Variants in NBEA observed in about 807,000 individuals in gnomAD.
NBEA encodes the protein neurobeachin, also known as lysosomal-trafficking regulator 2.
In NBEA, 44 loss-of-function variants were observed where a neutral mutation model predicts 343.4. That is an observed-to-expected ratio of 0.13 (90% CI 0.10 to 0.16). The LOEUF is 0.16. Among genes scored for constraint, NBEA ranks in the 10% least tolerant of loss-of-function variants. The pLI, the probability that NBEA is intolerant of heterozygous loss-of-function variation, is 1.00. For synonymous variants in NBEA, 1,175 were observed against 1,238.7 expected, an observed-to-expected ratio of 0.95 and a Z score of 1.08; for missense variants, 2,555 against 3,631.3, an observed-to-expected ratio of 0.70 and a Z score of 7.62.
intron 49 of NBEA, among the ~76,000 whole-genome samples, chr13:35,628,531 T>A (rs114055784): frequency 6.6e-6 from 1 of 152,224 alleles, no homozygotes; most frequent in Non-Finnish European, 1.5e-5. Context: ...CTTTACGTAT[T>A]TTAGTAATAA....
At chr13:35,205,302 C>A (rs2073314717) in intron 31 of NBEA, among the ~76,000 whole-genome samples, 1 of 152,214 alleles carries the variant, frequency 6.6e-6, no homozygotes, top group Admixed American at 6.5e-5. Context: ...CTCAACTAAA[C>A]CCTTGTAACT....
intron 1 of NBEA, among the ~76,000 whole-genome samples, chr13:34,978,648 G>GT (rs915773843): frequency 1.8e-4 from 27 of 151,426 alleles, no homozygotes; most frequent in Admixed American, 5.3e-4. Flanking sequence ...ATGGTCAGAG[G>GT]TTTTTTTTTC....
At chr13:35,432,102 A>G (rs2045154654) in intron 38 of NBEA, among the ~76,000 whole-genome samples, 167 bp from the exon 39 acceptor site, 1 of 151,928 alleles carries the variant, frequency 6.6e-6, no homozygotes, top group Admixed American at 6.6e-5. Flanking sequence ...GGAAATATAT[A>G]TATATATGTA....
chr13:35,250,070 G>T (rs1363730957), intron 34 of NBEA, among the ~76,000 whole-genome samples: 1 of 152,110 alleles, frequency 6.6e-6, no homozygotes, highest in East Asian at 1.9e-4. Flanking sequence ...CCAGTGACTG[G>T]GGGTGATGGG....
Position 35,465,518 on chromosome 13 carries a change from A to G in NBEA, c.6449-6882A>G, listed in dbSNP as rs574786724. 5.3e-5 allele frequency among the ~76,000 whole-genome samples: 8 copies of G among 152,328 alleles called. No individual in the cohort carries two copies. The East Asian group carries it at 1.2e-3, about 22-fold the overall frequency. On this transcript the variant is annotated intron_variant, in intron 40 of 58. Transcript: ENST00000379939. The stretch of plus-strand genomic sequence containing the variant: ...TATTCACTCCTCTAGTCTAGTAGAA[A>G]TTTACTCTTCCCGATCATTAAATGA...
At chr13:35,175,246 A>C (rs912848468) in intron 27 of NBEA, among the ~76,000 whole-genome samples, 1 of 152,178 alleles carries the variant, frequency 6.6e-6, no homozygotes, top group Non-Finnish European at 1.5e-5. Context: ...CTAATCTTTA[A>C]AATGGATACA....
At chr13:35,278,243 AACTC>A (rs1347177261) in intron 34 of NBEA, among the ~76,000 whole-genome samples, 1 of 151,758 alleles carries the variant, frequency 6.6e-6, no homozygotes, top group Non-Finnish European at 1.5e-5. Flanking sequence ...GTATTGAACA[AACTC>A]AATAAGGATG....
intron 43 of NBEA, among the ~76,000 whole-genome samples, chr13:35,554,685 TTTATC>T (rs1168714917): frequency 6.6e-6 from 1 of 152,200 alleles, no homozygotes; most frequent in Non-Finnish European, 1.5e-5. Flanking sequence ...AGCTACTTGA[TTTATC>T]TTAAGTATAG....
At chr13:34,967,562 A>C (rs2152496245) in intron 1 of NBEA, among the ~76,000 whole-genome samples, 1 of 152,214 alleles carries the variant, frequency 6.6e-6, no homozygotes, top group African/African-American at 2.4e-5. Flanking sequence ...ACAAGTAAAT[A>C]CATACAAATG....
At chr13:34,977,475 A>G (rs2152503935) in intron 1 of NBEA, among the ~76,000 whole-genome samples, 1 of 151,536 alleles carries the variant, frequency 6.6e-6, no homozygotes, top group South Asian at 2.1e-4. Flanking sequence ...CACCCAGCTA[A>G]TTTTTGTATT....
chr13:35,382,604 G>A (rs1315304488), intron 38 of NBEA, among the ~76,000 whole-genome samples: 3 of 152,020 alleles, frequency 2.0e-5, no homozygotes, highest in Admixed American at 2.0e-4. Context: ...ATGCAAAAAG[G>A]GAGTGAATTG....
intron 44 of NBEA, among the ~76,000 whole-genome samples, chr13:35,565,499 TGTG>T (rs1184852048): frequency 1.3e-5 from 2 of 152,188 alleles, no homozygotes; most frequent in African/African-American, 4.8e-5. Flanking sequence ...TGATAGTACA[TGTG>T]GTGTGTGCAA....
chr13:35,498,730 T>G (rs2076777142), intron 41 of NBEA, among the ~76,000 whole-genome samples: 1 of 152,154 alleles, frequency 6.6e-6, no homozygotes, highest in Non-Finnish European at 1.5e-5. Context: ...ATTTTTCAGT[T>G]ATCTACATTA....
chr13:34,972,471 T>C lies in NBEA; in HGVS notation c.294+29357T>C, dbSNP rs564541587. Among the ~76,000 whole-genome samples the C allele has an allele frequency of 5.3e-5, 8 of 152,356 alleles. No individual in the cohort carries two copies. In the East Asian group the frequency reaches 9.6e-4, roughly 18 times the overall value. ...TTTTTAATATAGGCATTTAGTGTTA[T>C]AAATTTCTCTCTTAACACTGCCTTA... On this transcript the variant is annotated intron_variant, in intron 1 of 58. Coordinates refer to ENST00000379939, the MANE Select transcript of NBEA (RefSeq NM_001385012.1).
chr13:35,289,192 C>T (rs905214766), intron 34 of NBEA, among the ~76,000 whole-genome samples: 8 of 151,826 alleles, frequency 5.3e-5, no homozygotes, highest in Non-Finnish European at 8.8e-5. Context: ...GGTTTCACTT[C>T]GATTTTCCAT....
At chr13:35,068,420 A>G (rs2063735964) in intron 8 of NBEA, among the ~76,000 whole-genome samples, 1 of 152,196 alleles carries the variant, frequency 6.6e-6, no homozygotes, top group Non-Finnish European at 1.5e-5. Flanking sequence ...GGGATGTACA[A>G]ATGTTTCAGC....
chr13:35,612,559 T>C (rs2082571307), intron 48 of NBEA, among the ~76,000 whole-genome samples: 1 of 152,204 alleles, frequency 6.6e-6, no homozygotes, highest in South Asian at 2.1e-4. Context: ...GACACAGAAT[T>C]TGTGTTCTTC....
chr13:35,135,997 T>G (rs1292436736), intron 17 of NBEA, among the ~76,000 whole-genome samples: 1 of 151,944 alleles, frequency 6.6e-6, no homozygotes, highest in East Asian at 1.9e-4. Context: ...CAGATCAAGT[T>G]GATAAAGAGA....
chr13:35,530,472 G>A (rs2078207243), intron 41 of NBEA, among the ~76,000 whole-genome samples: 1 of 152,156 alleles, frequency 6.6e-6, no homozygotes, highest in Non-Finnish European at 1.5e-5. Context: ...TCTGTGCTTT[G>A]TAAAAGCCCA....
Sources: gnomAD v4.1 joint callset for allele counts (sites outside exome capture counted in the v4.1 genomes callset) on GRCh38, gnomAD v4.1.1 for gene constraint, MANE v1.5 for transcripts, NCBI Gene and HGNC (gene_info 2026-07-23, HGNC 2026-07-21) for gene names.